CTNND2: variants seen among roughly 807,000 people sequenced by gnomAD.
CTNND2 encodes catenin delta 2, also known as catenin delta-2.
In CTNND2, 22 loss-of-function variants were observed where a neutral mutation model predicts 144.4. That is an observed-to-expected ratio of 0.15 (90% CI 0.11 to 0.22). CTNND2 has a LOEUF of 0.22. CTNND2 is among the 10% of genes least tolerant of loss of function. The probability of loss-of-function intolerance (pLI) is 1.00; values close to 1 mark genes in which losing one functional copy is unlikely to be tolerated. For missense variants in CTNND2, 1,353 were observed against 1,618.8 expected, an observed-to-expected ratio of 0.84 and a Z score of 2.82; for synonymous variants, 751 against 695.6, an observed-to-expected ratio of 1.08 and a Z score of -1.25.
chr5:11,717,108 T>A (rs1404642199), intron 2 of CTNND2, among the ~76,000 whole-genome samples: 1 of 151,680 alleles, frequency 6.6e-6, no homozygotes. Context: ...CCTCAGGTGA[T>A]CCACCCACCT....
chr5:11,597,268 C>CT (rs1313713612), intron 2 of CTNND2, among the ~76,000 whole-genome samples: 1 of 152,180 alleles, frequency 6.6e-6, no homozygotes, highest in African/African-American at 2.4e-5. Context: ...TATGTTACAG[C>CT]TTAAGTTCGT....
intron 1 of CTNND2, among the ~76,000 whole-genome samples, chr5:11,832,249 C>A (rs1793945735): frequency 6.6e-6 from 1 of 151,972 alleles, no homozygotes; most frequent in African/African-American, 2.4e-5. Flanking sequence ...TGCCACTGCA[C>A]TCCAGCCCAG....
At chr5:11,420,139 C>A (rs1445791447) in intron 3 of CTNND2, among the ~76,000 whole-genome samples, 1 of 152,034 alleles carries the variant, frequency 6.6e-6, no homozygotes, top group South Asian at 2.1e-4. Context: ...CTGGCCAACA[C>A]AGTGAAACCC....
intron 1 of CTNND2, among the ~76,000 whole-genome samples, chr5:11,880,470 A>G (rs1218098742): frequency 1.3e-5 from 2 of 149,916 alleles, no homozygotes; most frequent in African/African-American, 2.4e-5. Flanking sequence ...TAAAGGCTCA[A>G]CTACTACTAC....
chr5:11,282,097 G>A (rs563217017), intron 9 of CTNND2, among the ~76,000 whole-genome samples: 4 of 152,206 alleles, frequency 2.6e-5, no homozygotes, highest in South Asian at 2.1e-4. Flanking sequence ...CCACTCTCAC[G>A]GTGGTTCGCT....
chr5:11,629,558 G>T (rs1256852899), intron 2 of CTNND2, among the ~76,000 whole-genome samples: 6 of 152,298 alleles, frequency 3.9e-5, no homozygotes, highest in Middle Eastern at 3.4e-3. Flanking sequence ...GACATAAACA[G>T]CCAAAGATGG....
intron 1 of CTNND2, among the ~76,000 whole-genome samples, chr5:11,855,797 A>T (rs1182436878): frequency 6.6e-6 from 1 of 152,160 alleles, no homozygotes; most frequent in Non-Finnish European, 1.5e-5. Flanking sequence ...ATAAATCAGA[A>T]ACTCTGGGCC....
chr5:11,024,910 C>T lies in CTNND2; in HGVS notation c.2789-1931G>A, dbSNP rs965155418. 3.9e-5 allele frequency among the ~76,000 whole-genome samples: 6 copies of T among 152,328 alleles called. No individual in the cohort carries two copies. In the South Asian group the frequency reaches 1.2e-3, roughly 32 times the overall value. ...AAGTAGATGGCAGGGTACCCAACCC[C>T]TGCAGAGCAGCCTCTTCCACTCACC... On this transcript the variant is annotated intron_variant, in intron 16 of 21. Transcript: ENST00000304623.
intron 14 of CTNND2, among the ~76,000 whole-genome samples, chr5:11,104,591 C>A (rs1212856877): frequency 6.6e-6 from 1 of 152,188 alleles, no homozygotes; most frequent in Non-Finnish European, 1.5e-5. Context: ...GATGGGTATT[C>A]AAAAACTCCA....
intron 3 of CTNND2, among the ~76,000 whole-genome samples, chr5:11,556,853 G>C (rs1276864843): frequency 6.6e-6 from 1 of 151,490 alleles, no homozygotes; most frequent in Non-Finnish European, 1.5e-5. Context: ...ATCCTTTTAG[G>C]TGTAGCTAAC....
At chr5:11,664,320 C>A (rs141137755) in intron 2 of CTNND2, among the ~76,000 whole-genome samples, 1 of 152,120 alleles carries the variant, frequency 6.6e-6, no homozygotes, top group Non-Finnish European at 1.5e-5. Context: ...AAGCTGGGTG[C>A]GGTGGCTCAC....
chr5:11,094,042 GTGTACTTGTATTT>G (rs1385662117), intron 15 of CTNND2, among the ~76,000 whole-genome samples: 4 of 152,114 alleles, frequency 2.6e-5, no homozygotes, highest in African/African-American at 9.7e-5. Context: ...ATCCCTATAT[GTGTACTTGTATTT>G]TGATAAGAAA....
At chr5:11,273,846 C>A (rs552276151) in intron 9 of CTNND2, among the ~76,000 whole-genome samples, 1 of 152,122 alleles carries the variant, frequency 6.6e-6, no homozygotes, top group Non-Finnish European at 1.5e-5. Flanking sequence ...AAAAGTTGTG[C>A]GCCATCCTGA....
chr5:11,435,957 G>A (rs1025661094), intron 3 of CTNND2, among the ~76,000 whole-genome samples: 1 of 152,140 alleles, frequency 6.6e-6, no homozygotes, highest in African/African-American at 2.4e-5. Context: ...CATGTATAAT[G>A]GCGAAGATAA....
At chr5:11,757,735 T>C (rs1421807877) in intron 1 of CTNND2, among the ~76,000 whole-genome samples, 1 of 152,022 alleles carries the variant, frequency 6.6e-6, no homozygotes, top group African/African-American at 2.4e-5. Context: ...AAAAGCTGAT[T>C]CCATTAACAG....
chr5:11,447,900 T>A (rs1426529149), intron 3 of CTNND2, among the ~76,000 whole-genome samples: 1 of 152,202 alleles, frequency 6.6e-6, no homozygotes, highest in East Asian at 1.9e-4. Flanking sequence ...ATGTACTAGT[T>A]GTGTATATTA....
chr5:11,816,121 G>A lies in CTNND2; in HGVS notation c.38-83849C>T, dbSNP rs983351484. On this transcript the variant is annotated intron_variant, in intron 1 of 21. Transcript: ENST00000304623. ...GGACCCACTCATGCACCTGGGGGCT[G>A]CCACTTGCCTCCTGTCTGGAGAAAC... is the stretch of plus-strand genomic sequence containing the variant. Among the ~76,000 whole-genome samples the A allele has an allele frequency of 3.9e-5, 6 of 152,324 alleles. No homozygotes were observed. In the East Asian group the frequency reaches 1.2e-3, roughly 30 times the overall value.
chr5:11,207,464 C>T (rs1738170803), intron 10 of CTNND2, among the ~76,000 whole-genome samples: 1 of 151,594 alleles, frequency 6.6e-6, no homozygotes, highest in Admixed American at 6.6e-5. Flanking sequence ...TAGTACCATA[C>T]CCTAAAACAA....
At chr5:11,427,302 G>T in intron 3 of CTNND2, among the ~76,000 whole-genome samples, 1 of 128,860 alleles carries the variant, frequency 7.8e-6, no homozygotes, top group African/African-American at 3.1e-5. Context: ...TTTTGAGACA[G>T]AGTCTCACTC....
Sources: allele counts gnomAD v4.1 joint callset (sites outside exome capture counted in the v4.1 genomes callset), GRCh38; gene constraint gnomAD v4.1.1; transcripts MANE v1.5; gene names NCBI Gene and HGNC (gene_info 2026-07-23, HGNC 2026-07-21).